Variants in MRPS18A observed in about 807,000 individuals in gnomAD.
The protein encoded by MRPS18A is mitochondrial ribosomal protein S18A, also known as large ribosomal subunit protein mL66.
A neutral mutation model predicts 22.7 loss-of-function variants in MRPS18A; 20 were observed. The observed-to-expected ratio is 0.88, with a 90% CI of 0.62 to 1.28. The LOEUF (loss-of-function observed/expected upper bound fraction) is 1.28, where lower values mean the gene tolerates loss of function less well. MRPS18A is among the 50% of genes most tolerant of loss of function. The pLI is 0.00. For missense variants in MRPS18A, 294 were observed against 262.6 expected (o/e 1.12, Z -0.83); for synonymous variants, 106 against 99.1 (o/e 1.07, Z -0.41).
rs1773737864 is a variant in MRPS18A, at chr6:43,672,083, C to T, written c.447-177G>A. On this transcript the variant is annotated intron_variant, in intron 5 of 5. Transcript: ENST00000372133. ...GAGTAACTGCTGAGCGTCCTGTAAA[C>T]AGATGGGCTGGGCTCTTGCTGCCGC... The T allele has an allele frequency of 5.3e-6, 4 of 757,386 alleles. No homozygotes were observed. In the Admixed American group the frequency reaches 1.2e-4, roughly 23 times the overall value. 46.9% of individuals were successfully genotyped at this position (757,386 alleles called of 1,614,324 possible).
In MRPS18A at chr6:43,671,711, T is replaced by G. The variant is rs373684552; in HGVS notation, c.*51A>C. On this transcript the variant is annotated 3_prime_UTR_variant, in exon 6 of 6. Transcript: ENST00000372133. Reference sequence around the variant, plus strand: ...GTGGCCAAGGGCTTGTGAGTGGGCCTCCTACTCCCCAGCACAGGTGCAGGA... The same window carrying G: ...GTGGCCAAGGGCTTGTGAGTGGGCCGCCTACTCCCCAGCACAGGTGCAGGA... 3 of 1,609,904 alleles carry G rather than the reference T, an allele frequency of 1.9e-6. No individual in the cohort carries two copies. The highest frequency in any genetic ancestry group is 1.7e-4 in the Middle Eastern group (1 of 6,018).
rs1265770336 is a variant in MRPS18A at position 43,672,035 on chromosome 6, C to G, written c.447-129G>C. ...AAATCCTTTCACCAGTTTCCCTTTCCTGAAGTGCAGGGATTTTCCTGGGAG... is the reference window on the plus strand; with the variant it reads ...AAATCCTTTCACCAGTTTCCCTTTCGTGAAGTGCAGGGATTTTCCTGGGAG... On this transcript the variant is annotated intron_variant, in intron 5 of 5. Transcript: ENST00000372133. 2.6e-6 allele frequency: 3 copies of G among 1,136,094 alleles called. No homozygotes were observed. The African/African-American group carries it at 4.7e-5, about 18-fold the overall frequency. 70.4% of individuals were successfully genotyped at this position (1,136,094 alleles called of 1,614,324 possible). A position where few individuals can be genotyped will look rare whatever the true frequency, so the allele number is the denominator to read the frequency against.
rs1460180508 is a variant in MRPS18A, at chr6:43,671,343, T to C, written c.*419A>G. ...GGACCTGTTTGGCCCATGAATTCAATTGACTCATTGGCCCCATCACAAGAG... is the reference window on the plus strand; with the variant it reads ...GGACCTGTTTGGCCCATGAATTCAACTGACTCATTGGCCCCATCACAAGAG... On this transcript the variant is annotated 3_prime_UTR_variant, in exon 6 of 6. Transcript: ENST00000372133. 7.5e-6 allele frequency: 3 copies of C among 400,422 alleles called. No individual in the cohort carries two copies. Among genetic ancestry groups the C allele is most frequent in the South Asian group, 2.8e-5 (1 of 36,266 alleles). The allele number at this position is 400,422 out of a possible 1,614,324, so 24.8% of individuals were successfully genotyped here. A position where few individuals can be genotyped will look rare whatever the true frequency, so the allele number is the denominator to read the frequency against.
chr6:43,685,852 A>C (rs1019624596), intron 1 of MRPS18A, among the ~76,000 whole-genome samples: 1 of 152,264 alleles, frequency 6.6e-6, no homozygotes, highest in Non-Finnish European at 1.5e-5. Context: ...CAAGCTTTGA[A>C]GATAGGTGAT....
intron 3 of MRPS18A, among the ~76,000 whole-genome samples, chr6:43,677,302 C>A (rs1184366306): frequency 6.6e-6 from 1 of 152,164 alleles, no homozygotes; most frequent in African/African-American, 2.4e-5. Flanking sequence ...AGAACCCCCC[C>A]AACCCTCAGG....
chr6:43,678,581 A>T lies in MRPS18A; in HGVS notation c.189T>A (p.Pro63=). 1 of 1,613,888 alleles carries T rather than the reference A, an allele frequency of 6.2e-7. No homozygotes were observed. The highest frequency in any genetic ancestry group is 1.1e-5 in the South Asian group (1 of 91,074). ...ITATPKESPN[P]PNPSGQCPIC... ...TGGGGCACTGGCCAGAGGGGTTAGG[A>T]GGATTTGGACTCTCCTTGGGAGTCG... Residue 63 remains proline, a synonymous_variant, in exon 3 of 6, where the codon CCT becomes CCA. Transcript: ENST00000372133.
At position 43,687,718 on chromosome 6, in the gene MRPS18A, C is replaced by A. The variant is rs769677189; in HGVS notation, c.62G>T (p.Gly21Val). 12 of 1,587,600 alleles carry A rather than the reference C, an allele frequency of 7.6e-6. No homozygotes were observed. The African/African-American group carries it at 1.6e-4, about 21-fold the overall frequency. ...CGRLLRGLLA[G>V]PAATSWSRLP... Reference sequence around the variant, plus strand: ...CCGAGACCAGCTGGTCGCTGCCGGGCCCGCTAGTAGCCCACGGAGAAGCCG... The same window carrying A: ...CCGAGACCAGCTGGTCGCTGCCGGGACCGCTAGTAGCCCACGGAGAAGCCG... The change falls in exon 1 of 6, where the codon GGC (glycine) becomes GTC (valine). Residue 21 changes from glycine to valine, a missense_variant. Physicochemically the swap from Gly to Val is moderately radical, Grantham distance 109. Coordinates refer to ENST00000372133, the MANE Select transcript of MRPS18A (RefSeq NM_018135.4).
At chr6:43,675,763 G>C in intron 3 of MRPS18A, 146 bp from the exon 4 acceptor site, 1 of 920,400 alleles carries the variant, frequency 1.1e-6, no homozygotes. Flanking sequence ...TTTGCACATG[G>C]GTCTGCTACC....
chr6:43,682,495 C>A (rs545348389), intron 1 of MRPS18A, among the ~76,000 whole-genome samples: 32 of 152,330 alleles, frequency 2.1e-4, no homozygotes, highest in South Asian at 8.3e-4. Context: ...TGCTCCAAAA[C>A]AACCAACCTG....
At chr6:43,675,071 G>A (rs938998396) in intron 5 of MRPS18A, 131 bp downstream of exon 5, 9 of 764,092 alleles carry the variant, frequency 1.2e-5, no homozygotes, top group African/African-American at 3.5e-5. Context: ...CAGAAGAAGC[G>A]AAGACTGCAG....
At position 43,687,699 on chromosome 6, in the gene MRPS18A, C is replaced by G. The variant is rs140445878; in HGVS notation, c.81G>C (p.Trp27Cys). 9.3e-5 allele frequency: 148 copies of G among 1,583,586 alleles called. No homozygotes were observed. In the African/African-American group the frequency reaches 1.8e-3, roughly 19 times the overall value. Residue 27 changes from tryptophan to cysteine, a missense_variant, in exon 1 of 6, where the codon TGG becomes TGC. Physicochemically the swap from Trp to Cys is radical, Grantham distance 215 (BLOSUM62 -2). Transcript: ENST00000372133. ...TGAACCCGCGAGCTGGAAGCCGAGA[C>G]CAGCTGGTCGCTGCCGGGCCCGCTA... ...GLLAGPAATS[W>C]SRLPARGFRE... is the part of the protein sequence containing the mutation.
chr6:43,676,400 G>T (rs895471055), intron 3 of MRPS18A, among the ~76,000 whole-genome samples: 8 of 152,126 alleles, frequency 5.3e-5, no homozygotes, highest in African/African-American at 1.9e-4. Context: ...GAAGTGCGAG[G>T]AAGGCATAAA....
intron 1 of MRPS18A, among the ~76,000 whole-genome samples, chr6:43,682,974 G>A (rs1341720163): frequency 6.6e-6 from 1 of 152,218 alleles, no homozygotes; most frequent in Non-Finnish European, 1.5e-5. Context: ...GGAGAGACAC[G>A]TTCTGGTACC....
At chr6:43,672,859 C>T (rs985419882) in intron 5 of MRPS18A, among the ~76,000 whole-genome samples, 18 of 152,102 alleles carry the variant, frequency 1.2e-4, no homozygotes, top group African/African-American at 3.1e-4. Context: ...ACAGAAGCTG[C>T]GGGAGTTGCT....
At chr6:43,681,174 GT>G in intron 1 of MRPS18A, 54 bp from the exon 2 acceptor site, 1 of 1,563,400 alleles carries the variant, frequency 6.4e-7, no homozygotes, top group South Asian at 1.1e-5. Flanking sequence ...GGAACAGAGA[GT>G]TTCAAATAAC....
intron 2 of MRPS18A, 62 bp downstream of exon 2, chr6:43,681,027 G>T: frequency 1.9e-6 from 3 of 1,556,916 alleles, no homozygotes; most frequent in South Asian, 1.1e-5. Flanking sequence ...CTCCCTCAGA[G>T]GAGCGGCCAG....
intron 1 of MRPS18A, among the ~76,000 whole-genome samples, chr6:43,685,433 T>C (rs1054328210): frequency 6.6e-6 from 1 of 152,208 alleles, no homozygotes; most frequent in South Asian, 2.1e-4. Flanking sequence ...AACTGACTTG[T>C]GCATTATGTT....
At chr6:43,683,462 T>C (rs1159352438) in intron 1 of MRPS18A, among the ~76,000 whole-genome samples, 1 of 152,146 alleles carries the variant, frequency 6.6e-6, no homozygotes, top group Non-Finnish European at 1.5e-5. Context: ...ACAGGGTGCA[T>C]ACAAAAACGT....
chr6:43,675,561 CT>C lies in MRPS18A; in HGVS notation c.308del (p.Lys103ArgfsTer17). ...GTTCTTCCTGGCATAGGCCTGTGAT[CT>C]TTCGGGGCAGCATGCCTCCATGAGG... ...IRPHGGMLPR[K>X]ITGLCQEEHR... On this transcript the variant is annotated frameshift_variant, in exon 4 of 6. Transcript: ENST00000372133. LOFTEE classifies it high-confidence loss of function. 6.2e-7 allele frequency: 1 copy of C among 1,614,078 alleles called. No individual in the cohort carries two copies. Among genetic ancestry groups the C allele is most frequent in the Non-Finnish European group, 8.5e-7 (1 of 1,180,002 alleles).
Sources: gnomAD v4.1 joint callset for allele counts (sites outside exome capture counted in the v4.1 genomes callset) on GRCh38, gnomAD v4.1.1 for gene constraint, MANE v1.5 for transcripts, NCBI Gene and HGNC (gene_info 2026-07-23, HGNC 2026-07-21) for gene names.